Variants in NEURL3 observed in about 807,000 individuals in gnomAD.
NEURL3 encodes the protein E3 ubiquitin-protein ligase NEURL3.
Under a neutral mutation model 17.6 loss-of-function variants are expected in NEURL3, and 19 were observed. The observed-to-expected ratio is 1.08, with a 90% CI of 0.75 to 1.58. The LOEUF (loss-of-function observed/expected upper bound fraction) is 1.58. NEURL3 is among the 40% of genes most tolerant of loss of function. The pLI is 0.00. For missense variants in NEURL3, 342 were observed against 379.6 expected, an observed-to-expected ratio of 0.90 and a Z score of 0.82; for synonymous variants, 180 against 161.4, an observed-to-expected ratio of 1.11 and a Z score of -0.87.
chr2:96,507,207 TC>T (rs536229854), upstream of NEURL3, among the ~76,000 whole-genome samples: 186 of 152,168 alleles, frequency 1.2e-3, no homozygotes, highest in Non-Finnish European at 2.1e-3. Flanking sequence ...TATTACCCCT[TC>T]CCCCTTTAGC....
At chr2:96,507,013 C>T (rs541350733), upstream of NEURL3, among the ~76,000 whole-genome samples, 4 of 152,346 alleles carry the variant, frequency 2.6e-5, no homozygotes, top group African/African-American at 9.6e-5. Flanking sequence ...GGGTTCAGGA[C>T]ATGCCACCCC....
intron 1 of NEURL3, among the ~76,000 whole-genome samples, chr2:96,504,276 G>A (rs1480740855): frequency 0.032 from 4 of 124 alleles, no homozygotes; most frequent in African/African-American, 0.12. Flanking sequence ...TCCTCATCCC[G>A]CCTCGGGGAA....
chr2:96,505,114 C>G, intron 1 of NEURL3, 145 bp downstream of exon 1: 1 of 877,598 alleles, frequency 1.1e-6, no homozygotes, highest in Non-Finnish European at 1.7e-6. Flanking sequence ...GGTCCCATAG[C>G]TCAACTTGGC....
Position 96,498,563 on chromosome 2 carries a change from C to G in NEURL3, c.587-117G>C, listed in dbSNP as rs548443115. On this transcript the variant is annotated intron_variant, in intron 3 of 3. Coordinates refer to ENST00000451794, the MANE Select transcript of NEURL3 (RefSeq NM_001285485.2). The surrounding 1 kb of genome is among the most constrained non-coding windows in gnomAD (Gnocchi z 4.4). ...GTAGCTATATTTTGAAGAATGTTAC[C>G]TAGTGAGGAAATGCTTACAGTGTAA... 2 of 969,878 alleles carry G rather than the reference C, an allele frequency of 2.1e-6. No individual in the cohort carries two copies. Among genetic ancestry groups the G allele is most frequent in the East Asian group, 2.7e-5 (1 of 37,468 alleles). 60.1% of individuals were successfully genotyped at this position (969,878 alleles called of 1,614,324 possible).
Position 96,500,671 on chromosome 2 carries a change from C to T in NEURL3, c.282G>A (p.Pro94=), listed in dbSNP as rs966939873. The change falls in exon 2 of 4, where the codon CCG becomes CCA. Residue 94 remains proline, a synonymous_variant. Transcript: ENST00000451794. ...DPACVSVPSL[P]PFLCPDLEEQ... ...CCTCCAGGTCGGGGCACAGGAAGGGCGGCAGGCTGGGCACGGACACGCACG... is the reference window on the plus strand; with the variant it reads ...CCTCCAGGTCGGGGCACAGGAAGGGTGGCAGGCTGGGCACGGACACGCACG... The T allele has an allele frequency of 6.6e-6, 10 of 1,518,532 alleles. No homozygotes were observed. The highest frequency in any genetic ancestry group is 8.8e-6 in the Non-Finnish European group (10 of 1,140,306). 94.1% of individuals were successfully genotyped at this position (1,518,532 alleles called of 1,614,324 possible).
intron 1 of NEURL3, among the ~76,000 whole-genome samples, chr2:96,501,668 C>T (rs547133567): frequency 6.6e-6 from 1 of 152,126 alleles, no homozygotes; most frequent in Admixed American, 6.5e-5. Context: ...CAGGGGACTT[C>T]CCACAGGACT....
chr2:96,502,370 G>C (rs183130356), intron 1 of NEURL3, among the ~76,000 whole-genome samples: 1 of 152,346 alleles, frequency 6.6e-6, no homozygotes, highest in East Asian at 1.9e-4. Context: ...CCATGGTTGA[G>C]GCTGCTCCAT....
chr2:96,498,595 G>T lies in NEURL3; in HGVS notation c.587-149C>A. 2.6e-6 allele frequency: 2 copies of T among 759,972 alleles called. No homozygotes were observed. 47.1% of individuals were successfully genotyped at this position (759,972 alleles called of 1,614,324 possible). A position where few individuals can be genotyped will look rare whatever the true frequency, so the allele number is the denominator to read the frequency against. On this transcript the variant is annotated intron_variant, in intron 3 of 3. Coordinates refer to ENST00000451794, the MANE Select transcript of NEURL3 (RefSeq NM_001285485.2). The surrounding 1 kb of genome is among the most constrained non-coding windows in gnomAD (Gnocchi z 4.4). ...GGAAATGCTTACAGTGTAATCAAGT[G>T]AAAAAAAGGGGGAAGAAAACCATTT...
rs942553658 is a variant in NEURL3 at position 96,498,299 on chromosome 2, T to C, written c.734A>G (p.Glu245Gly). 2.5e-6 allele frequency: 4 copies of C among 1,594,232 alleles called. No homozygotes were observed. Among genetic ancestry groups the C allele is most frequent in the Non-Finnish European group, 2.5e-6 (3 of 1,177,696 alleles). ...AGGGCCCTGCGCAGGGGCTACCGCC[T>C]CTATCTGCCAGCGGCACACAGGGCA... Reference protein sequence around the residue: ...AKCPVCRWQIEAVAPAQGPPA... With the variant: ...AKCPVCRWQIGAVAPAQGPPA... Residue 245 changes from glutamate to glycine, a missense_variant, in exon 4 of 4, where the codon GAG (glutamate) becomes GGG (glycine). Transcript: ENST00000451794. The surrounding 1 kb of genome is among the most constrained non-coding windows in gnomAD (Gnocchi z 4.4).
At position 96,498,270 on chromosome 2, in the gene NEURL3, C is replaced by A. The variant is rs2065463170; in HGVS notation, c.763G>T (p.Ala255Ser). Reference sequence around the variant, plus strand: ...CATGAGCCTTCCTCAACCCTCAGAGCAGGAGGGCCCTGCGCAGGGGCTACC... The same window carrying A: ...CATGAGCCTTCCTCAACCCTCAGAGAAGGAGGGCCCTGCGCAGGGGCTACC... ...EAVAPAQGPP[A>S]LRVEEGS The change falls in exon 4 of 4, where the codon GCT becomes TCT. Residue 255 changes from alanine to serine, a missense_variant. Physicochemically the swap from Ala to Ser is moderately conservative, Grantham distance 99. Transcript: ENST00000451794. The surrounding 1 kb of genome is among the most constrained non-coding windows in gnomAD (Gnocchi z 4.4). The A allele has an allele frequency of 6.4e-7, 1 of 1,574,584 alleles. No individual in the cohort carries two copies.
intron 1 of NEURL3, among the ~76,000 whole-genome samples, chr2:96,504,899 A>AAAAAAAAAAAAAAAAAAAAAAC (rs1208004904): frequency 1.4e-5 from 2 of 147,168 alleles, no homozygotes; most frequent in South Asian, 2.2e-4. Flanking sequence ...AAAAAAAAAA[A>AAAAAAAAAAAAAAAAAAAAAAC]AGACCAGGTC....
intron 2 of NEURL3, chr2:96,500,125 A>G: frequency 2.6e-6 from 1 of 386,546 alleles, no homozygotes; most frequent in East Asian, 6.1e-5. Flanking sequence ...GTGAACTCCT[A>G]TTTAGGCTGC....
In NEURL3 at chr2:96,500,931, G is replaced by A; in HGVS notation, c.29-7C>T. The A allele has an allele frequency of 6.4e-7, 1 of 1,553,530 alleles. No homozygotes were observed. Among genetic ancestry groups the A allele is most frequent in the Non-Finnish European group, 8.6e-7 (1 of 1,158,738 alleles). On this transcript the variant is annotated splice_polypyrimidine_tract_variant and splice_region_variant and intron_variant, in intron 1 of 3. Transcript: ENST00000451794. ...TCTCGGGGCGCCTTGGCGTCTGTGG[G>A]TTGAGGATGGGGAGTGTCAGTGCTA...
At chr2:96,501,672 C>T (rs1303995508) in intron 1 of NEURL3, among the ~76,000 whole-genome samples, 1 of 152,016 alleles carries the variant, frequency 6.6e-6, no homozygotes, top group Non-Finnish European at 1.5e-5. Context: ...GGACTTCCCA[C>T]AGGACTCTGC....
At chr2:96,505,127 A>G (rs1007584926) in intron 1 of NEURL3, 132 bp downstream of exon 1, 1 of 1,039,196 alleles carries the variant, frequency 9.6e-7, no homozygotes, top group African/African-American at 1.6e-5. Flanking sequence ...AACTTGGCAG[A>G]ACTGGGACCC....
chr2:96,507,039 G>A (rs2065566743), upstream of NEURL3, among the ~76,000 whole-genome samples: 1 of 152,214 alleles, frequency 6.6e-6, no homozygotes, highest in Non-Finnish European at 1.5e-5. Context: ...ATGGCACTTT[G>A]GCATTTAAGA....
intron 1 of NEURL3, among the ~76,000 whole-genome samples, chr2:96,503,619 C>A (rs1057239703): frequency 2.6e-5 from 4 of 152,130 alleles, no homozygotes; most frequent in African/African-American, 9.7e-5. Flanking sequence ...GACCCACCAG[C>A]CTGGCAAGGG....
chr2:96,507,395 C>A (rs938529594), upstream of NEURL3, among the ~76,000 whole-genome samples: 4 of 152,194 alleles, frequency 2.6e-5, no homozygotes, highest in Non-Finnish European at 4.4e-5. Context: ...TAGCCATGAA[C>A]CGAGCAATGG....
At position 96,498,341 on chromosome 2, in the gene NEURL3, A is replaced by G; in HGVS notation, c.692T>C (p.Phe231Ser). 1.3e-6 allele frequency: 2 copies of G among 1,599,116 alleles called. No homozygotes were observed. The highest frequency in any genetic ancestry group is 1.7e-6 in the Non-Finnish European group (2 of 1,179,682). Residue 231 changes from phenylalanine (F) to serine (S), a missense_variant, in exon 4 of 4, where the codon TTC becomes TCC. Coordinates refer to ENST00000451794, the MANE Select transcript of NEURL3 (RefSeq NM_001285485.2). This position sits in a 1 kb window ranked among gnomAD's most constrained non-coding sequence, Gnocchi z 4.4. Reference sequence around the variant, plus strand: ...CACAGGGCACTTGGCCGTATCGCTGAAGACCCGCCAGGCACAGTATCTGCA... The same window carrying G: ...CACAGGGCACTTGGCCGTATCGCTGGAGACCCGCCAGGCACAGTATCTGCA... ...YFCRYCAWRV[F>S]SDTAKCPVCR...
Sources: gnomAD v4.1 joint callset for allele counts (sites outside exome capture counted in the v4.1 genomes callset) on GRCh38, gnomAD v4.1.1 for gene constraint, Gnocchi (gnomAD v3.1) non-coding constraint, MANE v1.5 for transcripts, NCBI Gene and HGNC (gene_info 2026-07-23, HGNC 2026-07-21) for gene names.